Variants in PLA2G2C observed in about 807,000 individuals in gnomAD.
PLA2G2C encodes phospholipase A2 group IIC.
In PLA2G2C, 15 loss-of-function variants were observed where a neutral mutation model predicts 14.3. That is an observed-to-expected ratio of 1.05 (90% CI 0.70 to 1.62). PLA2G2C has a LOEUF of 1.62. Among genes scored for constraint, PLA2G2C ranks in the 40% most tolerant of loss-of-function variants. PLA2G2C has a pLI of 0.00. For missense variants in PLA2G2C, 162 were observed against 173.2 expected, an observed-to-expected ratio of 0.94 and a Z score of 0.36; for synonymous variants, 79 against 67.7, an observed-to-expected ratio of 1.17 and a Z score of -0.82.
intron 4 of PLA2G2C, among the ~76,000 whole-genome samples, chr1:20,166,179 C>T (rs142428879): frequency 1.3e-4 from 20 of 152,268 alleles, no homozygotes; most frequent in African/African-American, 4.6e-4. Flanking sequence ...CCTGTGGAGC[C>T]GGCAGAGCTG....
intron 1 of PLA2G2C, among the ~76,000 whole-genome samples, chr1:20,182,172 A>G (rs2018287651): frequency 6.6e-6 from 1 of 152,240 alleles, no homozygotes; most frequent in South Asian, 2.1e-4. Context: ...GAAAATAATA[A>G]AAAGCTGTGG....
At chr1:20,166,274 C>T (rs2100711598) in intron 4 of PLA2G2C, among the ~76,000 whole-genome samples, 1 of 152,348 alleles carries the variant, frequency 6.6e-6, no homozygotes, top group East Asian at 1.9e-4. Flanking sequence ...TGGAACTTCT[C>T]ACGTTGTGCC....
chr1:20,164,892 A>T (rs2017949976), intron 4 of PLA2G2C, among the ~76,000 whole-genome samples: 1 of 152,218 alleles, frequency 6.6e-6, no homozygotes, highest in South Asian at 2.1e-4. Flanking sequence ...GTCTTTGGCC[A>T]CTGCCCAAAT....
intron 1 of PLA2G2C, among the ~76,000 whole-genome samples, chr1:20,178,776 A>G (rs1236681035): frequency 6.6e-6 from 1 of 152,248 alleles, no homozygotes; most frequent in African/African-American, 2.4e-5. Flanking sequence ...AGCACCAACT[A>G]TGAGCTCTTC....
rs1247804212 is a variant in PLA2G2C at position 20,164,098 on chromosome 1, C to T, written c.343G>A (p.Asp115Asn). ...TTGAAGCAGTGCACGGATTGCTTGTCACACTCACAGGCCTTCAGCCTGCAG... is the reference window on the plus strand; with the variant it reads ...TTGAAGCAGTGCACGGATTGCTTGTTACACTCACAGGCCTTCAGCCTGCAG... ...CHCRLKACECDKQSVHCFKES... is the reference protein window; with the variant it reads ...CHCRLKACECNKQSVHCFKES... The change falls in exon 5 of 5, where the codon GAC becomes AAC. Residue 115 changes from aspartate (D) to asparagine (N), a missense_variant. Asp to Asn is a conservative substitution (Grantham distance 23). Coordinates refer to ENST00000679259, the MANE Select transcript of PLA2G2C (RefSeq NM_001367969.2). 1.9e-6 allele frequency: 3 copies of T among 1,613,788 alleles called. No individual in the cohort carries two copies. The African/African-American group carries it at 4.0e-5, about 22-fold the overall frequency.
At chr1:20,170,148 C>T (rs1326476264) in intron 4 of PLA2G2C, among the ~76,000 whole-genome samples, 4 of 152,238 alleles carry the variant, frequency 2.6e-5, no homozygotes, top group Non-Finnish European at 5.9e-5. Flanking sequence ...CATGTGAGTT[C>T]AGGTGCTGTG....
At chr1:20,183,209 T>G (rs2018301834) in intron 1 of PLA2G2C, among the ~76,000 whole-genome samples, 1 of 152,198 alleles carries the variant, frequency 6.6e-6, no homozygotes, top group African/African-American at 2.4e-5. Context: ...GTGCTTATCA[T>G]CACCATTCTA....
At chr1:20,184,868 G>A (rs538542060) in intron 1 of PLA2G2C, among the ~76,000 whole-genome samples, 23 of 152,270 alleles carry the variant, frequency 1.5e-4, no homozygotes, top group Non-Finnish European at 3.1e-4. Context: ...GAGAAGAAAG[G>A]AGAGGCTGGG....
At chr1:20,172,687 C>G in intron 4 of PLA2G2C, 107 bp downstream of exon 4, 1 of 957,002 alleles carries the variant, frequency 1.0e-6, no homozygotes, top group African/African-American at 1.7e-5. Context: ...TCCTTCCAAG[C>G]ACTTGGAAGC....
intron 3 of PLA2G2C, among the ~76,000 whole-genome samples, chr1:20,173,172 C>G (rs1419133253): frequency 1.5e-4 from 23 of 150,520 alleles, no homozygotes; most frequent in Admixed American, 2.0e-4. Context: ...AAAAAAAAGC[C>G]AGGCATGGTG....
chr1:20,181,057 C>CGA (rs1339309611), intron 1 of PLA2G2C, among the ~76,000 whole-genome samples: 3 of 152,192 alleles, frequency 2.0e-5, no homozygotes, highest in East Asian at 3.9e-4. Context: ...ATACTACCCA[C>CGA]GATGATGGCT....
At chr1:20,170,819 T>C (rs563390703) in intron 4 of PLA2G2C, among the ~76,000 whole-genome samples, 1 of 134,578 alleles carries the variant, frequency 7.4e-6, no homozygotes, top group East Asian at 2.1e-4. Flanking sequence ...GCTTCTGCTC[T>C]GAAGGGGCAA....
intron 4 of PLA2G2C, among the ~76,000 whole-genome samples, chr1:20,168,782 C>T (rs1229669798): frequency 6.6e-6 from 1 of 152,182 alleles, no homozygotes; most frequent in Non-Finnish European, 1.5e-5. Flanking sequence ...TGCATGTGGG[C>T]GGAGGGGGTG....
intron 1 of PLA2G2C, among the ~76,000 whole-genome samples, chr1:20,179,608 CCT>C (rs2018245989): frequency 7.5e-6 from 1 of 134,074 alleles, no homozygotes; most frequent in African/African-American, 2.9e-5. Context: ...TCAGCTTCTC[CCT>C]CTGTGTCAGT....
chr1:20,170,225 G>A (rs1171265437), intron 4 of PLA2G2C, among the ~76,000 whole-genome samples: 2 of 152,228 alleles, frequency 1.3e-5, no homozygotes, highest in Non-Finnish European at 2.9e-5. Flanking sequence ...TCATGGATGG[G>A]AAAACCAAAG....
intron 2 of PLA2G2C, among the ~76,000 whole-genome samples, chr1:20,175,766 T>C (rs1198542464): frequency 6.6e-6 from 1 of 152,296 alleles, no homozygotes; most frequent in East Asian, 1.9e-4. Context: ...AACAAAATTA[T>C]GTGTCTCAAA....
chr1:20,164,255 G>A (rs2017935687), intron 4 of PLA2G2C, 98 bp from the exon 5 acceptor site: 1 of 1,268,374 alleles, frequency 7.9e-7, no homozygotes, highest in Non-Finnish European at 1.1e-6. Flanking sequence ...AGGGGCCAAG[G>A]GTTAAGGACA....
intron 4 of PLA2G2C, 85 bp from the exon 5 acceptor site, chr1:20,164,242 G>A: frequency 1.4e-6 from 2 of 1,381,870 alleles, no homozygotes; most frequent in South Asian, 2.8e-5. Context: ...GGAGCTCACT[G>A]TAAGGGGCCA....
At chr1:20,166,194 C>A (rs1308360624) in intron 4 of PLA2G2C, among the ~76,000 whole-genome samples, 1 of 152,218 alleles carries the variant, frequency 6.6e-6, no homozygotes, top group Admixed American at 6.5e-5. Flanking sequence ...GAGCTGCCTG[C>A]AGTCAGTCTG....
Sources: allele counts gnomAD v4.1 joint callset (sites outside exome capture counted in the v4.1 genomes callset), GRCh38; gene constraint gnomAD v4.1.1; transcripts MANE v1.5; gene names NCBI Gene and HGNC (gene_info 2026-07-23, HGNC 2026-07-21).